The following TEX26 variants were observed in gnomAD, a reference collection of about 807,000 sequenced individuals.
The protein encoded by TEX26 is testis expressed 26, also known as testis-expressed protein 26.
In TEX26, 34 loss-of-function variants were observed where a neutral mutation model predicts 35.3. The observed-to-expected ratio is 0.96, with a 90% CI of 0.73 to 1.28. The LOEUF (loss-of-function observed/expected upper bound fraction) is 1.28, where lower values mean the gene tolerates loss of function less well. Ranked by LOEUF, TEX26 falls within the 50% of genes most tolerant of loss-of-function variation. The pLI is 0.00. For missense variants in TEX26, 371 were observed against 330.1 expected (o/e 1.12, Z -0.96); for synonymous variants, 136 against 111.8 (o/e 1.22, Z -1.36).
intron 1 of TEX26, among the ~76,000 whole-genome samples, chr13:30,937,425 A>G (rs1306438533): frequency 3.3e-5 from 5 of 152,166 alleles, no homozygotes; most frequent in African/African-American, 9.7e-5. Context: ...AAAAACAGGG[A>G]AAATTTATGT....
chr13:30,958,050 T>C (rs137987140), intron 4 of TEX26, among the ~76,000 whole-genome samples: 1 of 152,318 alleles, frequency 6.6e-6, no homozygotes, highest in East Asian at 1.9e-4. Context: ...GAAGAGCACA[T>C]GTGTCCTGGG....
At chr13:30,970,627 T>C (rs2138348091) in intron 6 of TEX26, among the ~76,000 whole-genome samples, 1 of 152,280 alleles carries the variant, frequency 6.6e-6, no homozygotes, top group East Asian at 1.9e-4. Context: ...AGAAAGAGGA[T>C]TTTTGTCTTC....
At chr13:30,948,213 T>C (rs1593557067) in intron 2 of TEX26, among the ~76,000 whole-genome samples, 2 of 152,306 alleles carry the variant, frequency 1.3e-5, no homozygotes, top group Middle Eastern at 6.8e-3. Context: ...TGTGCATGTG[T>C]CTTTATAGCA....
intron 4 of TEX26, among the ~76,000 whole-genome samples, chr13:30,961,755 T>C (rs1188311832): frequency 1.3e-5 from 2 of 152,146 alleles, no homozygotes; most frequent in African/African-American, 2.4e-5. Flanking sequence ...TCCATTTGTG[T>C]CTTACCCAAC....
At chr13:30,962,059 C>T (rs1221634813) in intron 4 of TEX26, among the ~76,000 whole-genome samples, 4 of 152,152 alleles carry the variant, frequency 2.6e-5, no homozygotes, top group African/African-American at 7.2e-5. Flanking sequence ...CCCCGGCAGC[C>T]GATCTTCCTG....
intron 2 of TEX26, among the ~76,000 whole-genome samples, chr13:30,943,039 T>G (rs1041475143): frequency 5.3e-5 from 8 of 152,236 alleles, no homozygotes; most frequent in African/African-American, 1.9e-4. Context: ...GATGTTGGTA[T>G]TTTGATAAGA....
chr13:30,936,705 G>A (rs1953284516), intron 1 of TEX26: 1 of 985,404 alleles, frequency 1.0e-6, no homozygotes, highest in Admixed American at 6.1e-5. Context: ...CCACAGGGCT[G>A]GGTCCACGGG....
At chr13:30,968,438 C>G (rs551970512) in intron 5 of TEX26, among the ~76,000 whole-genome samples, 1 of 152,314 alleles carries the variant, frequency 6.6e-6, no homozygotes, top group African/African-American at 2.4e-5. Flanking sequence ...CCTGTGGATG[C>G]GGGTCACCCC....
Position 30,975,424 on chromosome 13 carries a change from T to C in TEX26, c.*517T>C, listed in dbSNP as rs1041624737. The C allele has an allele frequency of 6.6e-6, 1 of 152,204 alleles. No homozygotes were observed. The highest frequency in any genetic ancestry group is 1.5e-5 in the Non-Finnish European group (1 of 68,000). 9.4% of individuals were successfully genotyped at this position (152,204 alleles called of 1,614,324 possible). A position where few individuals can be genotyped will look rare whatever the true frequency, so the allele number is the denominator to read the frequency against. ...GTTTATTGTATTTTTTAATCCCTTATATCTTTAATTGTATACTTGAATTGT... is the reference window on the plus strand; with the variant it reads ...GTTTATTGTATTTTTTAATCCCTTACATCTTTAATTGTATACTTGAATTGT... On this transcript the variant is annotated 3_prime_UTR_variant, in exon 7 of 7. Transcript: ENST00000380473.
At chr13:30,934,544 A>T (rs1358401882) in intron 1 of TEX26, among the ~76,000 whole-genome samples, 1 of 152,220 alleles carries the variant, frequency 6.6e-6, no homozygotes, top group Non-Finnish European at 1.5e-5. Context: ...GGTCTGGACA[A>T]GTCTGCACTC....
chr13:30,974,131 A>AAAAAAAAAAAAT, intron 6 of TEX26, among the ~76,000 whole-genome samples: 3 of 84,430 alleles, frequency 3.6e-5, no homozygotes, highest in African/African-American at 9.5e-5. Flanking sequence ...AAAAAAAAAA[A>AAAAAAAAAAAAT]ATATATATAT....
intron 2 of TEX26, among the ~76,000 whole-genome samples, chr13:30,948,317 C>T (rs1234057066): frequency 2.0e-5 from 3 of 152,256 alleles, no homozygotes; most frequent in East Asian, 1.9e-4. Flanking sequence ...ATCGCCACAC[C>T]AACTTCCACA....
At chr13:30,940,766 C>T (rs1268212772) in intron 2 of TEX26, among the ~76,000 whole-genome samples, 3 of 152,012 alleles carry the variant, frequency 2.0e-5, no homozygotes, top group East Asian at 1.9e-4. Context: ...GGTGAAACCC[C>T]TTCTCTACCT....
Position 30,939,692 on chromosome 13 carries a change from A to G in TEX26, c.62-2A>G. On this transcript the variant is annotated splice_acceptor_variant, in intron 1 of 6. Coordinates refer to ENST00000380473, the MANE Select transcript of TEX26 (RefSeq NM_152325.3). LOFTEE classifies it high-confidence loss of function. ...TTTAAAACTGCTTTATTGTACTTTT[A>G]GCAGATGACCCCAACTGGGATTCCT... is the stretch of plus-strand genomic sequence containing the variant. The G allele has an allele frequency of 6.2e-7, 1 of 1,613,572 alleles. No individual in the cohort carries two copies. Among genetic ancestry groups the G allele is most frequent in the Non-Finnish European group, 8.5e-7 (1 of 1,179,520 alleles).
intron 1 of TEX26, among the ~76,000 whole-genome samples, chr13:30,934,603 G>A (rs1351847048): frequency 2.0e-5 from 3 of 152,188 alleles, no homozygotes; most frequent in Non-Finnish European, 4.4e-5. Flanking sequence ...TCCAGCTTCA[G>A]GTAGCCATCG....
intron 2 of TEX26, among the ~76,000 whole-genome samples, chr13:30,950,115 C>T (rs903079637): frequency 1.5e-4 from 23 of 152,146 alleles, no homozygotes; most frequent in Non-Finnish European, 2.9e-4. Context: ...TTTGCTGTCT[C>T]GGAAAAGATT....
At chr13:30,955,877 C>T (rs1016642640) in intron 3 of TEX26, among the ~76,000 whole-genome samples, 2 of 151,866 alleles carry the variant, frequency 1.3e-5, no homozygotes, top group South Asian at 2.1e-4. Context: ...GGCTGGGACA[C>T]GGTTGGTGGG....
intron 1 of TEX26, among the ~76,000 whole-genome samples, chr13:30,935,674 T>A (rs1446478480): frequency 6.6e-6 from 1 of 152,220 alleles, no homozygotes; most frequent in Non-Finnish European, 1.5e-5. Context: ...ATGACTTGCC[T>A]ATGGAGAGGA....
intron 6 of TEX26, 120 bp downstream of exon 6, chr13:30,969,166 C>T (rs963771274): frequency 1.7e-6 from 1 of 603,384 alleles, no homozygotes; most frequent in East Asian, 3.2e-5. Flanking sequence ...AACATTGCCT[C>T]AAAAAAAAAA....
Sources: allele counts gnomAD v4.1 joint callset (sites outside exome capture counted in the v4.1 genomes callset), GRCh38; gene constraint gnomAD v4.1.1; transcripts MANE v1.5; gene names NCBI Gene and HGNC (gene_info 2026-07-23, HGNC 2026-07-21).